Variants in CHSY1 observed in about 807,000 individuals in gnomAD.
CHSY1 encodes the protein N-acetylgalactosaminyl-proteoglycan 3-beta-glucuronosyltransferase 1.
Under a neutral mutation model 59.8 loss-of-function variants are expected in CHSY1, and 13 were observed. That is an observed-to-expected ratio of 0.22 (90% confidence interval 0.14 to 0.35). The LOEUF (loss-of-function observed/expected upper bound fraction) is 0.35. Ranked by LOEUF, CHSY1 falls within the 10% of genes least tolerant of loss-of-function variation. CHSY1 has a pLI of 1.00. For missense variants in CHSY1, 947 were observed against 1,030.6 expected (o/e 0.92, Z 1.11); for synonymous variants, 459 against 401.2 (o/e 1.14, Z -1.72).
chr15:101,184,555 G>A (rs1389414844), intron 2 of CHSY1, among the ~76,000 whole-genome samples: 1 of 152,004 alleles, frequency 6.6e-6, no homozygotes, highest in Non-Finnish European at 1.5e-5. Flanking sequence ...TCACCAGGTT[G>A]CCCAGGCTGG....
At chr15:101,201,122 G>A (rs2038570161) in intron 2 of CHSY1, among the ~76,000 whole-genome samples, 1 of 147,096 alleles carries the variant, frequency 6.8e-6, no homozygotes, top group Non-Finnish European at 1.5e-5. Flanking sequence ...GGTGCGGGGG[G>A]AGGTGGTCGG....
rs1219433912 is a variant in CHSY1, at chr15:101,235,378, C to T, written c.520G>A (p.Val174Met). 11 of 1,613,994 alleles carry T rather than the reference C, an allele frequency of 6.8e-6. No homozygotes were observed. The highest frequency in any genetic ancestry group is 1.7e-5 in the Admixed American group (1 of 59,994). ...YEWFMRADDD[V>M]YIKGDRLENF... Reference sequence around the variant, plus strand: ...TCCAGACGGTCTCCTTTGATGTACACGTCATCATCTGCTCTCATAAACCAT... The same window carrying T: ...TCCAGACGGTCTCCTTTGATGTACATGTCATCATCTGCTCTCATAAACCAT... Residue 174 changes from valine (V) to methionine (M), a missense_variant, in exon 2 of 3, where the codon GTG (valine) becomes ATG (methionine). Around this residue, in one of 4 missense-constraint regions of CHSY1, gnomAD observed 108 missense variants for 144.4 expected, o/e 0.75. Coordinates refer to ENST00000254190, the MANE Select transcript of CHSY1 (RefSeq NM_014918.5).
At chr15:101,194,794 G>T (rs1389108328) in intron 2 of CHSY1, among the ~76,000 whole-genome samples, 1 of 152,198 alleles carries the variant, frequency 6.6e-6, no homozygotes, top group Non-Finnish European at 1.5e-5. Flanking sequence ...GGTTGGGTTG[G>T]GAGAAGGGAG....
At chr15:101,248,746 AG>A (rs1279974460) in intron 1 of CHSY1, among the ~76,000 whole-genome samples, 2 of 152,242 alleles carry the variant, frequency 1.3e-5, no homozygotes, top group African/African-American at 4.8e-5. Flanking sequence ...ACCATCTCCA[AG>A]TGTGAAACAG....
intron 2 of CHSY1, among the ~76,000 whole-genome samples, chr15:101,218,747 C>G (rs535152118): frequency 2.0e-5 from 3 of 152,312 alleles, no homozygotes; most frequent in South Asian, 4.1e-4. Context: ...AGAGCAAGAC[C>G]CTGCCTCAAA....
At chr15:101,238,766 CCAGA>C (rs1229193166) in intron 1 of CHSY1, among the ~76,000 whole-genome samples, 5 of 152,108 alleles carry the variant, frequency 3.3e-5, no homozygotes, top group Non-Finnish European at 7.4e-5. Flanking sequence ...CAAATTCAGC[CCAGA>C]CATTCATTCC....
intron 2 of CHSY1, among the ~76,000 whole-genome samples, chr15:101,214,137 C>T (rs2038708995): frequency 6.6e-6 from 1 of 152,196 alleles, no homozygotes; most frequent in African/African-American, 2.4e-5. Context: ...TGTTTCTGTG[C>T]TGTGTACAGA....
chr15:101,183,704 C>T (rs951945745), intron 2 of CHSY1, among the ~76,000 whole-genome samples: 2 of 152,326 alleles, frequency 1.3e-5, no homozygotes. Context: ...GCAGCAGCTG[C>T]GGGAACACGT....
chr15:101,239,494 A>G (rs967795330), intron 1 of CHSY1, among the ~76,000 whole-genome samples: 9 of 152,274 alleles, frequency 5.9e-5, no homozygotes, highest in African/African-American at 2.2e-4. Context: ...TCTGTGCCTC[A>G]GTTTCCTTAT....
intron 2 of CHSY1, among the ~76,000 whole-genome samples, chr15:101,214,718 G>A (rs1472630120): frequency 2.9e-5 from 1 of 33,998 alleles, no homozygotes; most frequent in Non-Finnish European, 5.9e-5. Context: ...GGAGGTGGCT[G>A]GATCATGGAG....
chr15:101,178,871 G>A lies in CHSY1; in HGVS notation c.926C>T (p.Pro309Leu). Residue 309 changes from proline (P) to leucine (L), a missense_variant, in exon 3 of 3, where the codon CCA becomes CTA. By Grantham distance (98) the Pro-to-Leu change is moderately conservative (BLOSUM62 -3). This residue lies in a region of CHSY1 where 602 missense variants were observed against 676.9 expected (regional missense o/e 0.89). Coordinates refer to ENST00000254190, the MANE Select transcript of CHSY1 (RefSeq NM_014918.5). ...GCTGTGGAGCCTGTACTGGTAGGGT[G>A]GGTTTTTGTTGGGGTGTAATGTGAT... is the stretch of plus-strand genomic sequence containing the variant. Reference protein sequence around the residue: ...QAITLHPNKNPPYQYRLHSYM... With the variant: ...QAITLHPNKNLPYQYRLHSYM... The A allele has an allele frequency of 1.2e-6, 2 of 1,614,138 alleles. No individual in the cohort carries two copies. The highest frequency in any genetic ancestry group is 1.1e-5 in the South Asian group (1 of 91,076).
chr15:101,235,715 C>G lies in CHSY1; in HGVS notation c.321-138G>C, dbSNP rs7165361. On this transcript the variant is annotated intron_variant, in intron 1 of 2. Transcript: ENST00000254190. ...ACTTGGCCTGCTTGGTTCCTCTTAA[C>G]GAAAGCCCAGGTTACCGCGTATTGC... is the stretch of plus-strand genomic sequence containing the variant. 1.6e-4 allele frequency: 143 copies of G among 907,674 alleles called. No individual in the cohort carries two copies. In the African/African-American group the frequency reaches 2.2e-3, roughly 14 times the overall value. 56.2% of individuals were successfully genotyped at this position (907,674 alleles called of 1,614,324 possible).
intron 1 of CHSY1, among the ~76,000 whole-genome samples, chr15:101,243,524 C>G (rs1220767219): frequency 6.6e-6 from 1 of 152,180 alleles, no homozygotes; most frequent in Non-Finnish European, 1.5e-5. Flanking sequence ...ACCAGCCACC[C>G]TGGCCCCACA....
chr15:101,220,481 T>A (rs930247145), intron 2 of CHSY1, among the ~76,000 whole-genome samples: 2 of 152,218 alleles, frequency 1.3e-5, no homozygotes, highest in African/African-American at 4.8e-5. Context: ...CTATCAACTC[T>A]ACCTGCAAAA....
intron 2 of CHSY1, among the ~76,000 whole-genome samples, chr15:101,181,049 C>T (rs1237635342): frequency 6.6e-6 from 1 of 152,238 alleles, no homozygotes; most frequent in Non-Finnish European, 1.5e-5. Flanking sequence ...CTCGGAGGCA[C>T]AGCAGTTACA....
chr15:101,233,417 CA>C (rs1385467522), intron 2 of CHSY1, among the ~76,000 whole-genome samples: 3 of 152,144 alleles, frequency 2.0e-5, no homozygotes, highest in African/African-American at 4.8e-5. Flanking sequence ...AGATGATGGT[CA>C]GGGGAAAGTG....
intron 2 of CHSY1, among the ~76,000 whole-genome samples, chr15:101,234,822 G>A (rs1450989362): frequency 1.3e-5 from 2 of 152,142 alleles, no homozygotes; most frequent in Non-Finnish European, 2.9e-5. Context: ...AGCCGAGATG[G>A]CGCCACTGCA....
intron 2 of CHSY1, among the ~76,000 whole-genome samples, chr15:101,230,216 C>A (rs112130939): frequency 0.024 from 3,725 of 152,200 alleles, 104 homozygotes; most frequent in East Asian, 0.066. Flanking sequence ...TGCTGAGCCG[C>A]CACGCCCGGC....
At chr15:101,235,683 A>G in intron 1 of CHSY1, 106 bp from the exon 2 acceptor site, 1 of 1,287,598 alleles carries the variant, frequency 7.8e-7, no homozygotes, top group Non-Finnish European at 1.1e-6. Context: ...TGGAATGATA[A>G]AAAGCTACTT....
Sources: allele counts gnomAD v4.1 joint callset (sites outside exome capture counted in the v4.1 genomes callset), GRCh38; gene constraint gnomAD v4.1.1; regional missense constraint gnomAD v4.1.1; transcripts MANE v1.5; gene names NCBI Gene and HGNC (gene_info 2026-07-23, HGNC 2026-07-21).